Variants in PCBP3 observed in about 807,000 individuals in gnomAD.
The protein encoded by PCBP3 is poly(rC)-binding protein 3.
PCBP3 carries 25 observed loss-of-function variants against 52.7 expected under a neutral mutation model. The ratio of observed to expected loss-of-function variants is 0.47; its 90% confidence interval spans 0.35 to 0.66. PCBP3 has a LOEUF of 0.66. PCBP3 is among the 30% of genes least tolerant of loss of function. PCBP3 has a pLI of 0.01. For missense variants in PCBP3, 391 were observed against 490.3 expected, an observed-to-expected ratio of 0.80 and a Z score of 1.91; for synonymous variants, 162 against 183.0, an observed-to-expected ratio of 0.89 and a Z score of 0.93.
At chr21:45,744,558 T>C (rs1189686859) in intron 3 of PCBP3, among the ~76,000 whole-genome samples, 2 of 152,194 alleles carry the variant, frequency 1.3e-5, no homozygotes, top group Non-Finnish European at 1.5e-5. Context: ...TACTTCAGCA[T>C]TTTAGTCACA....
rs372108369 is a variant in PCBP3, at chr21:45,652,070, C to G, written c.-279+8202C>G. Among the ~76,000 whole-genome samples the G allele has an allele frequency of 5.6e-4, 85 of 152,260 alleles. 1 individual carries two copies. In the East Asian group the frequency reaches 0.011, roughly 20 times the overall value. ...TATCACATTCCTATCTTTGTAAATCCTTTTCTACTCCTATTCACCCTTTCT... is the reference window on the plus strand; with the variant it reads ...TATCACATTCCTATCTTTGTAAATCGTTTTCTACTCCTATTCACCCTTTCT... On this transcript the variant is annotated intron_variant, in intron 1 of 17. Coordinates refer to ENST00000681687, the MANE Select transcript of PCBP3 (RefSeq NM_001384156.1).
chr21:45,858,464 A>T (rs1339313887), intron 5 of PCBP3: 1 of 152,258 alleles, frequency 6.6e-6, no homozygotes, highest in Non-Finnish European at 1.5e-5. Flanking sequence ...TCAGGGTGAG[A>T]GTCAGCAGGA....
intron 4 of PCBP3, among the ~76,000 whole-genome samples, chr21:45,794,162 C>T (rs1569231074): frequency 6.6e-6 from 1 of 152,062 alleles, no homozygotes. Context: ...ATAGATGCTA[C>T]TCACGCCCGT....
intron 5 of PCBP3, among the ~76,000 whole-genome samples, chr21:45,865,610 T>C (rs1308191247): frequency 6.6e-6 from 1 of 152,118 alleles, no homozygotes; most frequent in African/African-American, 2.4e-5. Flanking sequence ...CTCCCTCACA[T>C]TGGCCTCATT....
At chr21:45,833,786 A>C (rs750814156) in intron 4 of PCBP3, among the ~76,000 whole-genome samples, 1 of 152,240 alleles carries the variant, frequency 6.6e-6, no homozygotes, top group Non-Finnish European at 1.5e-5. Context: ...GGCCCCATGC[A>C]GGGCAGGGTC....
intron 6 of PCBP3, among the ~76,000 whole-genome samples, chr21:45,896,571 A>T: frequency 6.6e-6 from 1 of 151,710 alleles, no homozygotes. Context: ...TCTGTAGGAA[A>T]GGCGGCCGCG....
chr21:45,704,935 G>A lies in PCBP3; in HGVS notation c.-199-30457G>A, dbSNP rs141678597. On this transcript the variant is annotated intron_variant, in intron 2 of 17. Coordinates refer to ENST00000681687, the MANE Select transcript of PCBP3 (RefSeq NM_001384156.1). This position sits in a 1 kb window ranked among gnomAD's most constrained non-coding sequence, Gnocchi z 4.1. ...TACCAGCTTCCCTTTGGTCTCTGGA[G>A]CCTGGTTTCTACCATTAGCCTCCAC... 8.9e-4 allele frequency among the ~76,000 whole-genome samples: 135 copies of A among 152,256 alleles called. No individual in the cohort carries two copies. The East Asian group carries it at 0.021, about 24-fold the overall frequency.
At chr21:45,658,256 A>G (rs1784847633) in intron 1 of PCBP3, among the ~76,000 whole-genome samples, 1 of 152,168 alleles carries the variant, frequency 6.6e-6, no homozygotes, top group Non-Finnish European at 1.5e-5. Context: ...CCCACTTGTC[A>G]TGGCATATAA....
chr21:45,784,582 T>G (rs1429943683), intron 4 of PCBP3, among the ~76,000 whole-genome samples: 1 of 151,962 alleles, frequency 6.6e-6, no homozygotes, highest in Non-Finnish European at 1.5e-5. Flanking sequence ...TGCCTCAGCC[T>G]GCCGAGTGCC....
intron 1 of PCBP3, among the ~76,000 whole-genome samples, chr21:45,655,871 A>G (rs1038227113): frequency 1.3e-5 from 2 of 152,236 alleles, no homozygotes; most frequent in African/African-American, 4.8e-5. Context: ...ACATTTATGC[A>G]GCCAACAGAC....
intron 3 of PCBP3, chr21:45,751,674 TAGC>T (rs2087519886): frequency 6.6e-6 from 1 of 152,302 alleles, no homozygotes; most frequent in Non-Finnish European, 1.5e-5. Flanking sequence ...GGAAAGGCCT[TAGC>T]GGGGTGATTG....
intron 9 of PCBP3, among the ~76,000 whole-genome samples, chr21:45,903,841 G>A (rs1438371806): frequency 6.6e-6 from 1 of 152,188 alleles, no homozygotes; most frequent in East Asian, 1.9e-4. Flanking sequence ...AAGAATGGCT[G>A]CCTCTAGAGG....
intron 6 of PCBP3, 102 bp from the exon 7 acceptor site, chr21:45,899,497 C>T (rs2095964915): frequency 1.2e-6 from 1 of 834,504 alleles, no homozygotes; most frequent in Non-Finnish European, 2.0e-6. Flanking sequence ...CCCTTCTGCA[C>T]TCATACCGGG....
At position 45,941,896 on chromosome 21, in the gene PCBP3, T is replaced by A; in HGVS notation, c.*190T>A. 3 of 440,456 alleles carry A rather than the reference T, an allele frequency of 6.8e-6. No homozygotes were observed. Among genetic ancestry groups the A allele is most frequent in the Non-Finnish European group, 1.2e-5 (3 of 250,430 alleles). The allele number at this position is 440,456 out of a possible 1,614,324, so 27.3% of individuals were successfully genotyped here. A position where few individuals can be genotyped will look rare whatever the true frequency, so the allele number is the denominator to read the frequency against. ...GCTGCTCTCTACAGAGGCTGCAGGC[T>A]CCGCCGAGTCCCCCCTCAGTGTTAT... On this transcript the variant is annotated 3_prime_UTR_variant, in exon 18 of 18. Coordinates refer to ENST00000681687, the MANE Select transcript of PCBP3 (RefSeq NM_001384156.1).
In PCBP3 at chr21:45,791,963, G is replaced by A. The variant is rs1374567080; in HGVS notation, c.-126+36511G>A. Reference sequence around the variant, plus strand: ...ATCCTTAGGGCAGTGCCCGCCCTCAGGCTGACAGCCTTTCCTTTCCTTGCT... The same window carrying A: ...ATCCTTAGGGCAGTGCCCGCCCTCAAGCTGACAGCCTTTCCTTTCCTTGCT... On this transcript the variant is annotated intron_variant, in intron 4 of 17. Coordinates refer to ENST00000681687, the MANE Select transcript of PCBP3 (RefSeq NM_001384156.1). The surrounding 1 kb of genome is among the most constrained non-coding windows in gnomAD (Gnocchi z 4.2). Among the ~76,000 whole-genome samples, 1 of 152,270 alleles carries A rather than the reference G, an allele frequency of 6.6e-6. No homozygotes were observed. Among genetic ancestry groups the A allele is most frequent in the Non-Finnish European group, 1.5e-5 (1 of 68,052 alleles).
intron 5 of PCBP3, among the ~76,000 whole-genome samples, chr21:45,878,777 C>T (rs140146213): frequency 2.0e-4 from 31 of 152,288 alleles, no homozygotes; most frequent in Non-Finnish European, 3.1e-4. Flanking sequence ...GAGGACAACT[C>T]GACGTCCGTA....
At chr21:45,835,943 T>C (rs2093576818) in intron 4 of PCBP3, among the ~76,000 whole-genome samples, 1 of 152,186 alleles carries the variant, frequency 6.6e-6, no homozygotes, top group Admixed American at 6.5e-5. Flanking sequence ...CAGGGGAAGC[T>C]GTGGCCGCAG....
chr21:45,744,318 C>A (rs2086668735), intron 3 of PCBP3: 2 of 152,094 alleles, frequency 1.3e-5, no homozygotes, highest in Admixed American at 1.3e-4. Context: ...CCTCAGTCTC[C>A]CACGTAGCTG....
intron 2 of PCBP3, among the ~76,000 whole-genome samples, chr21:45,696,838 C>G (rs2082810504): frequency 6.6e-6 from 1 of 151,132 alleles, no homozygotes; most frequent in South Asian, 2.1e-4. Flanking sequence ...GAGCCTTGAG[C>G]AGACACTTCA....
Sources: gnomAD v4.1 joint callset for allele counts (sites outside exome capture counted in the v4.1 genomes callset) on GRCh38, gnomAD v4.1.1 for gene constraint, Gnocchi (gnomAD v3.1) non-coding constraint, MANE v1.5 for transcripts, NCBI Gene and HGNC (gene_info 2026-07-23, HGNC 2026-07-21) for gene names.